Variants in PIP5K1B observed in about 807,000 individuals in gnomAD.
PIP5K1B encodes the protein phosphatidylinositol 4-phosphate 5-kinase type-1 beta.
In PIP5K1B, 42 loss-of-function variants were observed where a neutral mutation model predicts 67.0. That is an observed-to-expected ratio of 0.63 (90% CI 0.49 to 0.81). The LOEUF is 0.81. Among genes scored for constraint, PIP5K1B ranks in the 30% least tolerant of loss-of-function variants. PIP5K1B has a pLI of 0.00. For synonymous variants in PIP5K1B, 214 were observed against 231.4 expected, an observed-to-expected ratio of 0.92 and a Z score of 0.68; for missense variants, 459 against 646.3, an observed-to-expected ratio of 0.71 and a Z score of 3.14.
chr9:68,951,511 G>A (rs1386585159), intron 14 of PIP5K1B, among the ~76,000 whole-genome samples: 1 of 152,154 alleles, frequency 6.6e-6, no homozygotes, highest in Non-Finnish European at 1.5e-5. Context: ...GTTGTGACAG[G>A]AGAGAGGCCA....
At chr9:68,859,931 A>C (rs892741429) in intron 4 of PIP5K1B, among the ~76,000 whole-genome samples, 1 of 152,298 alleles carries the variant, frequency 6.6e-6, no homozygotes, top group East Asian at 1.9e-4. Flanking sequence ...ACAAGTAAAA[A>C]TTATATGTAT....
intron 8 of PIP5K1B, among the ~76,000 whole-genome samples, chr9:68,912,788 T>G (rs541702040): frequency 4.6e-5 from 7 of 152,150 alleles, no homozygotes; most frequent in Non-Finnish European, 1.0e-4. Flanking sequence ...GAAGATAGTT[T>G]GCAGTGTGAT....
At chr9:68,729,819 A>G (rs1392557736) in intron 1 of PIP5K1B, among the ~76,000 whole-genome samples, 2 of 152,186 alleles carry the variant, frequency 1.3e-5, no homozygotes, top group African/African-American at 4.8e-5. Context: ...GTTAGCTTTC[A>G]AATTAGTATA....
intron 13 of PIP5K1B, among the ~76,000 whole-genome samples, chr9:68,940,010 G>A (rs1187234704): frequency 1.3e-5 from 2 of 152,098 alleles, no homozygotes; most frequent in Non-Finnish European, 2.9e-5. Context: ...ATGGGCTCTC[G>A]CATAAGTAAT....
chr9:68,982,200 A>G (rs140803686), intron 14 of PIP5K1B, among the ~76,000 whole-genome samples: 4 of 152,158 alleles, frequency 2.6e-5, no homozygotes, highest in Non-Finnish European at 4.4e-5. Context: ...AATGGTGGGC[A>G]CTCTGACCTG....
At chr9:68,948,743 G>A (rs1827921187) in intron 14 of PIP5K1B, among the ~76,000 whole-genome samples, 1 of 150,304 alleles carries the variant, frequency 6.7e-6, no homozygotes. Flanking sequence ...GAAAAAACAT[G>A]GATTTACATC....
At chr9:68,835,636 A>G (rs1408176498) in intron 4 of PIP5K1B, among the ~76,000 whole-genome samples, 1 of 152,158 alleles carries the variant, frequency 6.6e-6, no homozygotes, top group Non-Finnish European at 1.5e-5. Context: ...ATATTGGGAT[A>G]CTGTTCAAAG....
intron 4 of PIP5K1B, among the ~76,000 whole-genome samples, chr9:68,858,056 C>G (rs1408692382): frequency 6.6e-6 from 1 of 151,974 alleles, no homozygotes; most frequent in East Asian, 1.9e-4. Context: ...TCACTACAAC[C>G]TTTGCCTCCT....
chr9:68,951,527 T>C (rs1245375885), intron 14 of PIP5K1B, among the ~76,000 whole-genome samples: 2 of 152,194 alleles, frequency 1.3e-5, no homozygotes, highest in East Asian at 3.9e-4. Flanking sequence ...GGCCAGGTAT[T>C]CGAAGGCCAG....
chr9:68,928,041 C>G (rs2132569513), intron 12 of PIP5K1B, among the ~76,000 whole-genome samples: 1 of 151,508 alleles, frequency 6.6e-6, no homozygotes, highest in South Asian at 2.1e-4. Context: ...TCTTGGCACT[C>G]TTATTGAAAA....
intron 4 of PIP5K1B, among the ~76,000 whole-genome samples, chr9:68,837,585 C>G (rs1234260558): frequency 7.6e-6 from 1 of 131,322 alleles, no homozygotes; most frequent in African/African-American, 2.8e-5. Context: ...TTAAATTAGA[C>G]TTTTACTTTT....
chr9:68,800,967 C>T (rs1460749984), intron 2 of PIP5K1B, among the ~76,000 whole-genome samples: 3 of 152,162 alleles, frequency 2.0e-5, no homozygotes, highest in Non-Finnish European at 4.4e-5. Flanking sequence ...ATATAGAAAT[C>T]CCAGATAGGA....
intron 4 of PIP5K1B, among the ~76,000 whole-genome samples, chr9:68,843,810 A>G (rs993327087): frequency 1.3e-5 from 2 of 152,154 alleles, no homozygotes; most frequent in Admixed American, 6.5e-5. Flanking sequence ...ACCTGTTTCC[A>G]AGCAACCCTT....
chr9:68,788,924 A>C (rs1831795463), intron 2 of PIP5K1B: 1 of 290,320 alleles, frequency 3.4e-6, no homozygotes, highest in Admixed American at 4.1e-5. Context: ...GGATGAAAGA[A>C]AGGATATGCT....
At chr9:68,754,175 C>CTTTTTTTTTTTTTTT (rs71353081) in intron 2 of PIP5K1B, among the ~76,000 whole-genome samples, 28,274 of 97,932 alleles carry the variant, frequency 0.29, 8,530 homozygotes, top group East Asian at 0.44. Flanking sequence ...TCCATGATTT[C>CTTTTTTTTTTTTTTT]TTTTTTTTTT....
intron 1 of PIP5K1B, among the ~76,000 whole-genome samples, chr9:68,721,517 A>T (rs1014587377): frequency 6.5e-4 from 99 of 152,120 alleles, no homozygotes; most frequent in African/African-American, 2.3e-3. Flanking sequence ...GGCATCGTAC[A>T]TATGGTAGCA....
intron 3 of PIP5K1B, among the ~76,000 whole-genome samples, chr9:68,821,926 T>C (rs1463198847): frequency 6.6e-6 from 1 of 152,146 alleles, no homozygotes; most frequent in Admixed American, 6.6e-5. Context: ...TGTAATCAAA[T>C]GGGAAAATGT....
At chr9:68,834,587 T>C (rs1834498910) in intron 4 of PIP5K1B, among the ~76,000 whole-genome samples, 1 of 152,196 alleles carries the variant, frequency 6.6e-6, no homozygotes, top group African/African-American at 2.4e-5. Context: ...CACTTTTTTC[T>C]TCTTAATTCT....
chr9:68,727,417 T>C (rs951759736), intron 1 of PIP5K1B, among the ~76,000 whole-genome samples: 1 of 152,072 alleles, frequency 6.6e-6, no homozygotes, highest in Non-Finnish European at 1.5e-5. Flanking sequence ...AATTAGGACA[T>C]AAAGATAAAA....
Sources: allele counts gnomAD v4.1 joint callset (sites outside exome capture counted in the v4.1 genomes callset), GRCh38; gene constraint gnomAD v4.1.1; transcripts MANE v1.5; gene names NCBI Gene and HGNC (gene_info 2026-07-23, HGNC 2026-07-21).